KCNB2: variants seen among roughly 807,000 people sequenced by gnomAD.
The protein encoded by KCNB2 is potassium voltage-gated channel subfamily B member 2, also known as delayed rectifier potassium channel protein.
A neutral mutation model predicts 61.5 loss-of-function variants in KCNB2; 15 were observed. The observed-to-expected ratio is 0.24, with a 90% CI of 0.16 to 0.38. KCNB2 has a LOEUF of 0.38. KCNB2 is among the 10% of genes least tolerant of loss of function. The pLI is 1.00. For missense variants in KCNB2, 828 were observed against 1,125.2 expected (o/e 0.74, Z 3.78); for synonymous variants, 457 against 446.0 (o/e 1.02, Z -0.31).
At chr8:72,934,146 C>G (rs901372485) in intron 2 of KCNB2, among the ~76,000 whole-genome samples, 2 of 151,486 alleles carry the variant, frequency 1.3e-5, no homozygotes, top group Admixed American at 6.6e-5. Flanking sequence ...TTTGGGAGGC[C>G]GAAGCAGGTG....
At chr8:72,843,385 T>C (rs979344822) in intron 2 of KCNB2, among the ~76,000 whole-genome samples, 1 of 152,208 alleles carries the variant, frequency 6.6e-6, no homozygotes, top group African/African-American at 2.4e-5. Context: ...ATAAGTGTGA[T>C]GTGGTGCTGA....
At chr8:72,844,886 C>G (rs1253970158) in intron 2 of KCNB2, among the ~76,000 whole-genome samples, 3 of 152,170 alleles carry the variant, frequency 2.0e-5, no homozygotes, top group Non-Finnish European at 4.4e-5. Context: ...TTAGAACATG[C>G]TCCTTTAGCT....
In KCNB2 at chr8:72,586,421, A is replaced by T. The variant is rs556468393; in HGVS notation, c.579+18108A>T. ...ACAACAAAATTTATAAATTGAAATC[A>T]TTTTTGAAACAAATGTGTTCAACGT... On this transcript the variant is annotated intron_variant, in intron 2 of 2. Transcript: ENST00000523207. 7.9e-5 allele frequency among the ~76,000 whole-genome samples: 12 copies of T among 152,314 alleles called. No homozygotes were observed. The South Asian group carries it at 2.3e-3, about 29-fold the overall frequency.
intron 1 of KCNB2, among the ~76,000 whole-genome samples, chr8:72,558,610 G>A (rs1456703698): frequency 6.6e-6 from 1 of 151,992 alleles, no homozygotes; most frequent in Non-Finnish European, 1.5e-5. Context: ...AAATAAGGAA[G>A]GACTTAATTA....
chr8:72,935,840 C>A, intron 2 of KCNB2, 95 bp from the exon 3 acceptor site: 2 of 810,218 alleles, frequency 2.5e-6, no homozygotes, highest in South Asian at 1.6e-5. Context: ...GAACTTGGAG[C>A]ATTCCATATT....
chr8:72,604,376 C>G (rs1805414320), intron 2 of KCNB2, among the ~76,000 whole-genome samples: 1 of 152,094 alleles, frequency 6.6e-6, no homozygotes. Context: ...TATGACATAG[C>G]AGAAAGAATC....
chr8:72,813,293 T>C (rs1809335183), intron 2 of KCNB2, among the ~76,000 whole-genome samples: 1 of 152,040 alleles, frequency 6.6e-6, no homozygotes, highest in Non-Finnish European at 1.5e-5. Context: ...TCCACAAACC[T>C]GCCTCTGCTG....
At chr8:72,930,888 A>G (rs1053872404) in intron 2 of KCNB2, among the ~76,000 whole-genome samples, 2 of 152,126 alleles carry the variant, frequency 1.3e-5, no homozygotes, top group African/African-American at 4.8e-5. Context: ...TATGTCCTGA[A>G]TGGTATTGCC....
intron 1 of KCNB2, among the ~76,000 whole-genome samples, chr8:72,567,436 T>C (rs1563525160): frequency 6.6e-6 from 1 of 152,186 alleles, no homozygotes; most frequent in Non-Finnish European, 1.5e-5. Context: ...CTCTTCTGTG[T>C]AGTACACTGT....
chr8:72,767,238 C>A (rs925729673), intron 2 of KCNB2, among the ~76,000 whole-genome samples: 1 of 152,142 alleles, frequency 6.6e-6, no homozygotes, highest in Admixed American at 6.5e-5. Context: ...TAGTTCCTTT[C>A]TTTCTTTTTT....
chr8:72,706,941 C>T (rs1303842646), intron 2 of KCNB2, among the ~76,000 whole-genome samples: 3 of 152,210 alleles, frequency 2.0e-5, no homozygotes, highest in African/African-American at 7.2e-5. Flanking sequence ...CTGAATTGCT[C>T]TTCTGTTTTG....
intron 2 of KCNB2, among the ~76,000 whole-genome samples, chr8:72,700,437 G>A (rs1807099703): frequency 6.6e-6 from 1 of 152,026 alleles, no homozygotes; most frequent in Non-Finnish European, 1.5e-5. Flanking sequence ...AGACAGACAA[G>A]TGGCCAATAA....
chr8:72,790,675 T>C (rs1332312364), intron 2 of KCNB2, among the ~76,000 whole-genome samples: 1 of 152,198 alleles, frequency 6.6e-6, no homozygotes, highest in African/African-American at 2.4e-5. Flanking sequence ...CTACTACCTC[T>C]TATATTTCTA....
In KCNB2 at chr8:72,900,002, TCAAAA is replaced by T. The variant is rs535555148; in HGVS notation, c.580-35917_580-35913del. Among the ~76,000 whole-genome samples the T allele has an allele frequency of 2.6e-5, 4 of 151,996 alleles. No homozygotes were observed. The East Asian group carries it at 5.8e-4, about 22-fold the overall frequency. ...TTGGGCAACATAGTGAGACCCCATCTCAAAACAAAACAAAACAAAAACAGCCTGAA... is the reference window on the plus strand; with the variant it reads ...TTGGGCAACATAGTGAGACCCCATCTCAAAACAAAACAAAAACAGCCTGAA... On this transcript the variant is annotated intron_variant, in intron 2 of 2. Coordinates refer to ENST00000523207, the MANE Select transcript of KCNB2 (RefSeq NM_004770.3).
intron 2 of KCNB2, among the ~76,000 whole-genome samples, chr8:72,833,882 C>A (rs570545224): frequency 6.6e-6 from 1 of 152,132 alleles, no homozygotes; most frequent in African/African-American, 2.4e-5. Flanking sequence ...AGGGGTCCAC[C>A]ACCCTTCCTG....
intron 2 of KCNB2, among the ~76,000 whole-genome samples, chr8:72,889,308 T>C (rs1470840192): frequency 6.6e-6 from 1 of 152,030 alleles, no homozygotes; most frequent in Non-Finnish European, 1.5e-5. Flanking sequence ...AAGGATAAGG[T>C]AGGAATTTAA....
chr8:72,915,037 T>C (rs1806366529), intron 2 of KCNB2, among the ~76,000 whole-genome samples: 1 of 152,002 alleles, frequency 6.6e-6, no homozygotes, highest in African/African-American at 2.4e-5. Context: ...CCTGAGTAGC[T>C]GGGATTACAG....
At chr8:72,675,727 T>C (rs1243768857) in intron 2 of KCNB2, among the ~76,000 whole-genome samples, 2 of 152,134 alleles carry the variant, frequency 1.3e-5, no homozygotes, top group East Asian at 3.9e-4. Flanking sequence ...CTGATTTTTG[T>C]ATTTTTAGTA....
intron 2 of KCNB2, among the ~76,000 whole-genome samples, chr8:72,719,668 G>T (rs1018893620): frequency 2.6e-5 from 4 of 152,026 alleles, no homozygotes; most frequent in Admixed American, 1.3e-4. Context: ...GGGCCTGAAG[G>T]TTCCACACTT....
Sources: gnomAD v4.1 joint callset for allele counts (sites outside exome capture counted in the v4.1 genomes callset) on GRCh38, gnomAD v4.1.1 for gene constraint, MANE v1.5 for transcripts, NCBI Gene and HGNC (gene_info 2026-07-23, HGNC 2026-07-21) for gene names.